The following PACRG variants were observed in gnomAD, a reference collection of about 807,000 sequenced individuals.
PACRG encodes parkin coregulated gene protein.
A neutral mutation model predicts 29.7 loss-of-function variants in PACRG; 29 were observed. That is an observed-to-expected ratio of 0.98 (90% CI 0.73 to 1.33). The LOEUF is 1.33. Among genes scored for constraint, PACRG ranks in the 40% most tolerant of loss-of-function variants. PACRG has a pLI of 0.00. For synonymous variants in PACRG, 116 were observed against 118.7 expected, an observed-to-expected ratio of 0.98 and a Z score of 0.15; for missense variants, 279 against 316.2, an observed-to-expected ratio of 0.88 and a Z score of 0.89.
In PACRG at chr6:162,868,980, C is replaced by T. The variant is rs1473262721; in HGVS notation, c.291+54699C>T. Among the ~76,000 whole-genome samples, 4 of 152,284 alleles carry T rather than the reference C, an allele frequency of 2.6e-5. No homozygotes were observed. In the East Asian group the frequency reaches 7.7e-4, roughly 29 times the overall value. On this transcript the variant is annotated intron_variant, in intron 2 of 4. Coordinates refer to ENST00000366888, the MANE Select transcript of PACRG (RefSeq NM_001080379.2). ...CTGGTAGGTACCGTTAATTATTCCT[C>T]GTTACATCACGCAGGTACACAGAGG...
chr6:163,124,290 G>A (rs1243343802), intron 4 of PACRG, among the ~76,000 whole-genome samples: 1 of 152,072 alleles, frequency 6.6e-6, no homozygotes, highest in Admixed American at 6.5e-5. Flanking sequence ...AGAAATTGAT[G>A]CTGGGGGAAA....
rs370151135 is a variant in PACRG, at chr6:162,826,832, A to G, written c.291+12551A>G. Among the ~76,000 whole-genome samples, 120 of 152,306 alleles carry G rather than the reference A, an allele frequency of 7.9e-4. No individual in the cohort carries two copies. The East Asian group carries it at 0.012, about 15-fold the overall frequency. Reference sequence around the variant, plus strand: ...TCCTAAGGAGACCTTTATCTTCTCAATATTCATATCTATTACTATGAATCT... The same window carrying G: ...TCCTAAGGAGACCTTTATCTTCTCAGTATTCATATCTATTACTATGAATCT... On this transcript the variant is annotated intron_variant, in intron 2 of 4. Coordinates refer to ENST00000366888, the MANE Select transcript of PACRG (RefSeq NM_001080379.2).
At chr6:163,133,642 C>A (rs1438186423) in intron 4 of PACRG, among the ~76,000 whole-genome samples, 5 of 152,186 alleles carry the variant, frequency 3.3e-5, no homozygotes, top group African/African-American at 1.2e-4. Flanking sequence ...TATGTCTTGC[C>A]TATAAAGCAG....
intron 1 of PACRG, among the ~76,000 whole-genome samples, chr6:162,792,525 C>G (rs982396732): frequency 2.6e-5 from 4 of 152,084 alleles, no homozygotes; most frequent in African/African-American, 9.7e-5. Context: ...TAGAACAGGC[C>G]AAGGAACTAG....
Position 162,728,176 on chromosome 6 carries a change from C to T in PACRG, c.-60C>T, listed in dbSNP as rs1336793985. Reference sequence around the variant, plus strand: ...TTTTTCCAGACCTCCTGCTCACATCCGTAAAGCCCACTGATTCTTTTACTA... The same window carrying T: ...TTTTTCCAGACCTCCTGCTCACATCTGTAAAGCCCACTGATTCTTTTACTA... On this transcript the variant is annotated 5_prime_UTR_variant, in exon 1 of 5. Transcript: ENST00000366888. The T allele has an allele frequency of 6.3e-7, 1 of 1,576,290 alleles. No individual in the cohort carries two copies. Among genetic ancestry groups the T allele is most frequent in the Non-Finnish European group, 8.6e-7 (1 of 1,158,116 alleles).
chr6:163,053,770 C>T (rs1389539911), intron 2 of PACRG, among the ~76,000 whole-genome samples: 2 of 152,028 alleles, frequency 1.3e-5, no homozygotes, highest in African/African-American at 2.4e-5. Flanking sequence ...GTTAAACAGC[C>T]GACCCTCGGT....
intron 1 of PACRG, among the ~76,000 whole-genome samples, chr6:162,778,155 T>C (rs1023658557): frequency 6.6e-6 from 1 of 152,188 alleles, no homozygotes; most frequent in African/African-American, 2.4e-5. Flanking sequence ...AATTGCACGA[T>C]GCACGGTGGC....
intron 2 of PACRG, among the ~76,000 whole-genome samples, chr6:163,011,276 G>A (rs1027301267): frequency 6.6e-6 from 1 of 152,154 alleles, no homozygotes. Context: ...ACACACACCT[G>A]GACGGGACAA....
chr6:163,269,311 A>T (rs1783648097), intron 4 of PACRG, among the ~76,000 whole-genome samples: 1 of 152,156 alleles, frequency 6.6e-6, no homozygotes, highest in Admixed American at 6.5e-5. Context: ...CCAAGAGGTG[A>T]GCATTTGGCC....
At chr6:163,022,389 T>C (rs1806716901) in intron 2 of PACRG, among the ~76,000 whole-genome samples, 1 of 152,184 alleles carries the variant, frequency 6.6e-6, no homozygotes. Context: ...CTGTCTGAAA[T>C]GTGTGCTTCT....
intron 2 of PACRG, among the ~76,000 whole-genome samples, chr6:163,000,055 C>T (rs966807459): frequency 6.6e-6 from 1 of 152,188 alleles, no homozygotes; most frequent in African/African-American, 2.4e-5. Flanking sequence ...AAAGAGTGAG[C>T]CATCAGCAGG....
chr6:163,087,525 G>A (rs554638274), intron 3 of PACRG, among the ~76,000 whole-genome samples: 3 of 148,478 alleles, frequency 2.0e-5, no homozygotes, highest in East Asian at 4.1e-4. Flanking sequence ...AGGACCAGAG[G>A]AGAGGAGGTA....
chr6:163,217,432 G>A (rs997258393), intron 4 of PACRG, among the ~76,000 whole-genome samples: 1 of 152,212 alleles, frequency 6.6e-6, no homozygotes. Context: ...GTCTGCTCAG[G>A]AGGGGAGGAG....
chr6:163,041,791 A>G (rs561951762), intron 2 of PACRG, among the ~76,000 whole-genome samples: 1 of 152,372 alleles, frequency 6.6e-6, no homozygotes, highest in East Asian at 1.9e-4. Flanking sequence ...TAAGACTCAT[A>G]GGAGGCAGGG....
At chr6:162,875,853 A>G (rs947962922) in intron 2 of PACRG, among the ~76,000 whole-genome samples, 4 of 152,170 alleles carry the variant, frequency 2.6e-5, no homozygotes, top group Middle Eastern at 3.2e-3. Context: ...TGATCTTCTA[A>G]ATGCTTACTG....
chr6:162,968,487 C>T (rs1327198547), intron 2 of PACRG, among the ~76,000 whole-genome samples: 2 of 152,132 alleles, frequency 1.3e-5, no homozygotes, highest in East Asian at 3.9e-4. Flanking sequence ...AAGAACAAAA[C>T]AGCATTTCCT....
intron 2 of PACRG, among the ~76,000 whole-genome samples, chr6:162,863,485 G>A (rs1792037458): frequency 6.6e-6 from 1 of 152,158 alleles, no homozygotes; most frequent in African/African-American, 2.4e-5. Flanking sequence ...TCCCTAAAAG[G>A]TAAACTTGTC....
chr6:163,185,564 A>G (rs561105074), intron 4 of PACRG, among the ~76,000 whole-genome samples: 18 of 152,348 alleles, frequency 1.2e-4, no homozygotes, highest in Admixed American at 3.3e-4. Context: ...AAGAAAAAGA[A>G]CAAATTGAGT....
intron 4 of PACRG, chr6:163,100,679 T>A (rs1215108460): frequency 1.4e-6 from 1 of 696,164 alleles, no homozygotes; most frequent in Non-Finnish European, 1.8e-6. Flanking sequence ...AATAGGAAAC[T>A]GTTGGAGAAA....
Sources: allele counts gnomAD v4.1 joint callset (sites outside exome capture counted in the v4.1 genomes callset), GRCh38; gene constraint gnomAD v4.1.1; transcripts MANE v1.5; gene names NCBI Gene and HGNC (gene_info 2026-07-23, HGNC 2026-07-21).